Variants in HECW2 observed in about 807,000 individuals in gnomAD.
HECW2 encodes E3 ubiquitin-protein ligase HECW2.
A neutral mutation model predicts 175.2 loss-of-function variants in HECW2; 61 were observed. That is an observed-to-expected ratio of 0.35 (90% CI 0.28 to 0.43). The LOEUF (loss-of-function observed/expected upper bound fraction) is 0.43, where lower values mean the gene tolerates loss of function less well. HECW2 is among the 20% of genes least tolerant of loss of function. The pLI is 1.00. For missense variants in HECW2, 1,524 were observed against 2,000.5 expected (o/e 0.76, Z 4.54); for synonymous variants, 671 against 731.0 (o/e 0.92, Z 1.32).
intron 1 of HECW2, among the ~76,000 whole-genome samples, chr2:196,481,878 C>G (rs190606046): frequency 6.6e-6 from 1 of 152,184 alleles, no homozygotes; most frequent in East Asian, 1.9e-4. Flanking sequence ...AGAGACTGTT[C>G]CCATAAAAAT....
chr2:196,474,979 A>T (rs1686514438), intron 1 of HECW2, among the ~76,000 whole-genome samples: 1 of 152,154 alleles, frequency 6.6e-6, no homozygotes, highest in Non-Finnish European at 1.5e-5. Context: ...CCCAGCGAGC[A>T]GCATCGTTAC....
At chr2:196,218,977 T>C in intron 26 of HECW2, among the ~76,000 whole-genome samples, 1 of 152,208 alleles carries the variant, frequency 6.6e-6, no homozygotes, top group East Asian at 1.9e-4. Context: ...AGGGATGAGC[T>C]GGAACAGGCA....
chr2:196,548,971 C>T (rs532932053), intron 1 of HECW2, among the ~76,000 whole-genome samples: 3 of 152,236 alleles, frequency 2.0e-5, no homozygotes, highest in Admixed American at 1.3e-4. Flanking sequence ...ACCTCTTTAA[C>T]GAACCTATCT....
intron 1 of HECW2, among the ~76,000 whole-genome samples, chr2:196,489,865 C>T (rs1687125917): frequency 6.6e-6 from 1 of 152,152 alleles, no homozygotes; most frequent in African/African-American, 2.4e-5. Context: ...GAGGGAAGTG[C>T]CAGGTGACCA....
At chr2:196,297,774 G>C (rs141928142) in intron 13 of HECW2, among the ~76,000 whole-genome samples, 7 of 152,262 alleles carry the variant, frequency 4.6e-5, no homozygotes, top group African/African-American at 1.7e-4. Context: ...TTGAGCACTT[G>C]TATACATTAT....
At chr2:196,242,380 A>G in intron 19 of HECW2, 176 bp from the exon 20 acceptor site, 1 of 687,660 alleles carries the variant, frequency 1.5e-6, no homozygotes, top group East Asian at 2.8e-5. Context: ...CAAGGTCTTA[A>G]GTGACGTCCT....
At chr2:196,337,979 T>C (rs1692614197) in intron 3 of HECW2, among the ~76,000 whole-genome samples, 1 of 152,224 alleles carries the variant, frequency 6.6e-6, no homozygotes, top group African/African-American at 2.4e-5. Context: ...CACTCTGTAT[T>C]TGAATATTCT....
chr2:196,317,369 C>T lies in HECW2; in HGVS notation c.2339G>A (p.Gly780Asp), dbSNP rs1246148994. The T allele has an allele frequency of 1.2e-6, 2 of 1,608,950 alleles. No individual in the cohort carries two copies. Among genetic ancestry groups the T allele is most frequent in the South Asian group, 1.1e-5 (1 of 90,084 alleles). The change falls in exon 10 of 29, where the codon GGT becomes GAT. Residue 780 changes from glycine (G) to aspartate (D), a missense_variant and splice_region_variant. Transcript: ENST00000644978. Reference sequence around the variant, plus strand: ...TGGCTGGTGGCCGTTGGCTTGAGAACCTAGGATTAAAGGTAGAAAGTTACC... The same window carrying T: ...TGGCTGGTGGCCGTTGGCTTGAGAATCTAGGATTAAAGGTAGAAAGTTACC... Reference protein sequence around the residue: ...ATAQEEGATGGSQANGHQPLR... With the variant: ...ATAQEEGATGDSQANGHQPLR...
At position 196,307,119 on chromosome 2, in the gene HECW2, A is replaced by G; in HGVS notation, c.2689+11T>C. The G allele has an allele frequency of 6.3e-7, 1 of 1,581,658 alleles. No individual in the cohort carries two copies. Among genetic ancestry groups the G allele is most frequent in the Non-Finnish European group, 8.7e-7 (1 of 1,151,100 alleles). On this transcript the variant is annotated intron_variant, in intron 12 of 28. Transcript: ENST00000644978. ...TTATGAAATTACAAAAACAAAGCCC[A>G]AAGCTCTTACCTGCACTGGCTTGGT...
intron 5 of HECW2, 66 bp downstream of exon 5, chr2:196,329,509 G>T: frequency 7.7e-7 from 1 of 1,296,582 alleles, no homozygotes; most frequent in South Asian, 1.2e-5. Context: ...GCAGAAAGAA[G>T]TGACTATTCA....
chr2:196,498,854 T>TA (rs1687484037), intron 1 of HECW2, among the ~76,000 whole-genome samples: 2 of 152,212 alleles, frequency 1.3e-5, no homozygotes, highest in Non-Finnish European at 2.9e-5. Context: ...ATCCCTACTG[T>TA]AAAATCTAAA....
Position 196,319,848 on chromosome 2 carries a change from A to G in HECW2, c.1042T>C (p.Leu348=). 1 of 1,614,040 alleles carries G rather than the reference A, an allele frequency of 6.2e-7. No individual in the cohort carries two copies. The highest frequency in any genetic ancestry group is 8.5e-7 in the Non-Finnish European group (1 of 1,179,900). ...ILGVNSVNGD[L]GSPSDDEDMP... is the part of the protein sequence containing the mutation. ...TCCTCGTCATCGGAAGGGCTACCTA[A>G]GTCTCCATTCACAGAATTGACTCCA... The change falls in exon 9 of 29, where the codon TTA becomes CTA. Residue 348 remains leucine (L), a synonymous_variant. Coordinates refer to ENST00000644978, the MANE Select transcript of HECW2 (RefSeq NM_001348768.2).
intron 2 of HECW2, among the ~76,000 whole-genome samples, chr2:196,412,511 A>G (rs1018791716): frequency 6.6e-6 from 1 of 152,230 alleles, no homozygotes; most frequent in Admixed American, 6.5e-5. Flanking sequence ...CCTTATTCAC[A>G]AAGAGTTTAT....
intron 15 of HECW2, among the ~76,000 whole-genome samples, chr2:196,276,520 C>T (rs1689962286): frequency 1.3e-5 from 2 of 152,140 alleles, no homozygotes; most frequent in African/African-American, 2.4e-5. Flanking sequence ...ACTGTGAAGT[C>T]ATGATAAGGT....
intron 1 of HECW2, among the ~76,000 whole-genome samples, chr2:196,469,769 A>G (rs1462143356): frequency 1.3e-5 from 2 of 152,036 alleles, no homozygotes; most frequent in Non-Finnish European, 2.9e-5. Context: ...ATATGAGAGA[A>G]CAAGTAGTTA....
In HECW2 at chr2:196,346,782, C is replaced by T. The variant is rs557167771; in HGVS notation, c.293-3018G>A. 2.6e-5 allele frequency among the ~76,000 whole-genome samples: 4 copies of T among 151,978 alleles called. 1 individual carries two copies. The South Asian group carries it at 6.3e-4, about 24-fold the overall frequency. ...TTTGGAGGCTGAGGCAGGTGGATCA[C>T]GAGGTCAGGAATTCGAGACCAGCCT... is the stretch of plus-strand genomic sequence containing the variant. On this transcript the variant is annotated intron_variant, in intron 2 of 28. Transcript: ENST00000644978.
intron 2 of HECW2, among the ~76,000 whole-genome samples, chr2:196,357,699 A>G (rs1489446853): frequency 1.3e-5 from 2 of 152,256 alleles, no homozygotes; most frequent in Non-Finnish European, 2.9e-5. Context: ...TCATTGGATC[A>G]TGGGGGTGGT....
At chr2:196,336,813 T>C (rs1187750578) in intron 3 of HECW2, among the ~76,000 whole-genome samples, 1 of 151,996 alleles carries the variant, frequency 6.6e-6, no homozygotes, top group African/African-American at 2.4e-5. Flanking sequence ...TGCACAAAAG[T>C]AGATTTTGTG....
At chr2:196,550,293 G>C (rs1689566400) in intron 1 of HECW2, among the ~76,000 whole-genome samples, 1 of 152,102 alleles carries the variant, frequency 6.6e-6, no homozygotes, top group African/African-American at 2.4e-5. Flanking sequence ...CTGATGATCA[G>C]CTGTATTTTC....
Sources: allele counts gnomAD v4.1 joint callset (sites outside exome capture counted in the v4.1 genomes callset), GRCh38; gene constraint gnomAD v4.1.1; transcripts MANE v1.5; gene names NCBI Gene and HGNC (gene_info 2026-07-23, HGNC 2026-07-21).